GARRE1: variants seen among roughly 807,000 people sequenced by gnomAD.
The protein encoded by GARRE1 is granule associated Rac and RHOG effector protein 1.
A neutral mutation model predicts 103.2 loss-of-function variants in GARRE1; 49 were observed. The observed-to-expected ratio is 0.47, with a 90% CI of 0.38 to 0.60. The LOEUF (loss-of-function observed/expected upper bound fraction) is 0.60. Among genes scored for constraint, GARRE1 ranks in the 20% least tolerant of loss-of-function variants. The pLI, the probability that GARRE1 is intolerant of heterozygous loss-of-function variation, is 0.00. For missense variants in GARRE1, 1,199 were observed against 1,370.5 expected (o/e 0.87, Z 1.98); for synonymous variants, 505 against 532.8 (o/e 0.95, Z 0.72).
chr19:34,292,474 C>T (rs1016805382), intron 1 of GARRE1, among the ~76,000 whole-genome samples: 2 of 152,162 alleles, frequency 1.3e-5, no homozygotes, highest in Non-Finnish European at 2.9e-5. Context: ...TTCTTCGTTT[C>T]TCTTGGGTAT....
chr19:34,310,460 C>G (rs1342999561), intron 2 of GARRE1, among the ~76,000 whole-genome samples: 1 of 152,250 alleles, frequency 6.6e-6, no homozygotes, highest in Admixed American at 6.5e-5. Context: ...AACAGGCTGT[C>G]TTGCCCCTCT....
chr19:34,316,033 C>T (rs949152507), intron 2 of GARRE1, among the ~76,000 whole-genome samples: 4 of 152,160 alleles, frequency 2.6e-5, no homozygotes, highest in Admixed American at 2.0e-4. Context: ...CATTCTGGAT[C>T]TTGTCATAGG....
At chr19:34,280,898 G>A (rs1010212493) in intron 1 of GARRE1, among the ~76,000 whole-genome samples, 5 of 150,472 alleles carry the variant, frequency 3.3e-5, no homozygotes, top group Admixed American at 1.3e-4. Flanking sequence ...GGTATTAAGG[G>A]CATTCATTAC....
In GARRE1 at chr19:34,354,025, T is replaced by A. The variant is rs1281193492; in HGVS notation, c.*1070T>A. On this transcript the variant is annotated 3_prime_UTR_variant, in exon 14 of 14. Transcript: ENST00000299505. ...TCCAGCCAGAATGGATCCAGAAGAA[T>A]TGAATGGTGCTTAAATTGAGAAATA... 6.6e-6 allele frequency: 1 copy of A among 152,604 alleles called. No homozygotes were observed. The highest frequency in any genetic ancestry group is 1.5e-5 in the Non-Finnish European group (1 of 68,038). The allele number at this position is 152,604 out of a possible 1,614,324, so 9.5% of individuals were successfully genotyped here.
At chr19:34,255,924 C>T (rs931098566) in intron 1 of GARRE1, among the ~76,000 whole-genome samples, 2 of 151,922 alleles carry the variant, frequency 1.3e-5, no homozygotes, top group Admixed American at 1.3e-4. Context: ...TAACTGCAAC[C>T]TTAGCCTCCC....
intron 2 of GARRE1, among the ~76,000 whole-genome samples, chr19:34,315,450 G>A (rs1364485195): frequency 1.3e-5 from 2 of 152,164 alleles, no homozygotes; most frequent in Admixed American, 6.5e-5. Context: ...AGTGGCTCAC[G>A]CCTGTAATCC....
chr19:34,331,208 AAAAG>A (rs143021394), intron 7 of GARRE1, among the ~76,000 whole-genome samples: 6,070 of 151,950 alleles, frequency 0.04, 168 homozygotes, highest in Admixed American at 0.11. Context: ...CCTTAAAAAA[AAAAG>A]AAAAAAACAT....
In GARRE1 at chr19:34,348,027, A is replaced by C; in HGVS notation, c.2672A>C (p.Glu891Ala). The change falls in exon 11 of 14, where the codon GAG (glutamate) becomes GCG (alanine). Residue 891 changes from glutamate (E) to alanine (A), a missense_variant. Transcript: ENST00000299505. ...GCGCATCGGACCTGGCCCTTCCCCG[A>C]GTTCTTCACAGAAGGGTGAGTGCTG... The part of the protein sequence containing the change: ...DDAHRTWPFP[E>A]FFTEGDGLHG... The C allele has an allele frequency of 6.7e-7, 1 of 1,493,534 alleles. No homozygotes were observed. Among genetic ancestry groups the C allele is most frequent in the Non-Finnish European group, 9.0e-7 (1 of 1,112,102 alleles). 92.5% of individuals were successfully genotyped at this position (1,493,534 alleles called of 1,614,324 possible). A position where few individuals can be genotyped will look rare whatever the true frequency, so the allele number is the denominator to read the frequency against.
intron 3 of GARRE1, among the ~76,000 whole-genome samples, chr19:34,321,718 C>T (rs1229165719): frequency 6.6e-6 from 1 of 152,076 alleles, no homozygotes; most frequent in Non-Finnish European, 1.5e-5. Flanking sequence ...CCTTGTGATC[C>T]ACCCACCTTG....
In GARRE1 at chr19:34,300,853, C is replaced by T; in HGVS notation, c.380C>T (p.Ala127Val). The T allele has an allele frequency of 1.2e-6, 2 of 1,613,940 alleles. No individual in the cohort carries two copies. The highest frequency in any genetic ancestry group is 1.1e-5 in the South Asian group (1 of 91,090). ...GATGTGCAGGAGCATGTCATGGAAG[C>T]AGCCAGTCGGCTGACCTCGGCCATA... ...LKDVQEHVME[A>V]ASRLTSAIKP... Residue 127 changes from alanine to valine, a missense_variant, in exon 2 of 14, where the codon GCA becomes GTA. Ala to Val is a moderately conservative substitution (Grantham distance 64, BLOSUM62 0). Coordinates refer to ENST00000299505, the MANE Select transcript of GARRE1 (RefSeq NM_014686.5).
chr19:34,269,527 CTTTTG>C (rs1568523550), intron 1 of GARRE1, among the ~76,000 whole-genome samples: 1 of 151,988 alleles, frequency 6.6e-6, no homozygotes, highest in Admixed American at 6.6e-5. Context: ...TATAGTAGCT[CTTTTG>C]TTTTGTTTTT....
At chr19:34,278,414 C>T (rs992621291) in intron 1 of GARRE1, among the ~76,000 whole-genome samples, 2 of 146,260 alleles carry the variant, frequency 1.4e-5, no homozygotes, top group Non-Finnish European at 3.0e-5. Context: ...ACTAGTACTC[C>T]AGCCTGGGTG....
intron 1 of GARRE1, among the ~76,000 whole-genome samples, chr19:34,255,105 C>A (rs919172339): frequency 1.2e-4 from 18 of 152,142 alleles, no homozygotes; most frequent in African/African-American, 4.1e-4. Context: ...GGGCTGCGCG[C>A]ACCTTCCCGG....
At chr19:34,311,420 C>T (rs1411655916) in intron 2 of GARRE1, among the ~76,000 whole-genome samples, 2 of 152,010 alleles carry the variant, frequency 1.3e-5, no homozygotes, top group Non-Finnish European at 2.9e-5. Context: ...GTCTCCAGTG[C>T]GTGCAGAATG....
At chr19:34,339,036 G>A (rs2074173780) in intron 8 of GARRE1, among the ~76,000 whole-genome samples, 1 of 152,204 alleles carries the variant, frequency 6.6e-6, no homozygotes, top group Admixed American at 6.5e-5. Flanking sequence ...GAGCTGTCAG[G>A]ATTCACTGAT....
chr19:34,327,866 G>A lies in GARRE1; in HGVS notation c.942G>A (p.Gln314=). The A allele has an allele frequency of 6.2e-7, 1 of 1,614,158 alleles. No individual in the cohort carries two copies. Among genetic ancestry groups the A allele is most frequent in the South Asian group, 1.1e-5 (1 of 91,078 alleles). ...LNPKAIEASL[Q]GCCSEAEAQQ... ...CAAAGGCGATTGAAGCAAGTTTGCA[G>A]GTACACTTTTCCTTCCTAAAGCTCT... Residue 314 remains glutamine (Q), a splice_region_variant and synonymous_variant, in exon 5 of 14, where the codon CAG becomes CAA. Coordinates refer to ENST00000299505, the MANE Select transcript of GARRE1 (RefSeq NM_014686.5).
chr19:34,318,411 A>G (rs1036716036), intron 2 of GARRE1, among the ~76,000 whole-genome samples: 2 of 152,228 alleles, frequency 1.3e-5, no homozygotes, highest in African/African-American at 2.4e-5. Context: ...AGCAATGGCT[A>G]TAGTTCCCTG....
At chr19:34,292,223 A>G (rs1424531237) in intron 1 of GARRE1, among the ~76,000 whole-genome samples, 1 of 152,194 alleles carries the variant, frequency 6.6e-6, no homozygotes, top group Non-Finnish European at 1.5e-5. Flanking sequence ...GTAGACTCAT[A>G]CAATAGGAGT....
At chr19:34,266,702 T>G (rs948890797) in intron 1 of GARRE1, among the ~76,000 whole-genome samples, 5 of 152,188 alleles carry the variant, frequency 3.3e-5, no homozygotes, top group African/African-American at 1.2e-4. Context: ...TTGGAGTCAG[T>G]GTTCTCAGCT....
Sources: gnomAD v4.1 joint callset for allele counts (sites outside exome capture counted in the v4.1 genomes callset) on GRCh38, gnomAD v4.1.1 for gene constraint, MANE v1.5 for transcripts, NCBI Gene and HGNC (gene_info 2026-07-23, HGNC 2026-07-21) for gene names.